The following COL8A1 variants were observed in gnomAD, a reference collection of about 807,000 sequenced individuals.
COL8A1 encodes collagen type VIII alpha 1 chain, also known as collagen alpha-1(VIII) chain.
A neutral mutation model predicts 42.7 loss-of-function variants in COL8A1; 21 were observed. The ratio of observed to expected loss-of-function variants is 0.49; its 90% CI spans 0.35 to 0.71. COL8A1 has a LOEUF of 0.71. COL8A1 is among the 30% of genes least tolerant of loss of function. The pLI is 0.01. For missense variants in COL8A1, 788 were observed against 962.4 expected, an observed-to-expected ratio of 0.82 and a Z score of 2.40; for synonymous variants, 367 against 369.1, an observed-to-expected ratio of 0.99 and a Z score of 0.06.
At position 99,795,729 on chromosome 3, in the gene COL8A1, G is replaced by C. The variant is rs1391005147; in HGVS notation, c.1828G>C (p.Gly610Arg). Reference sequence around the variant, plus strand: ...CGGGGCTAAGAAAGGCAAGAATGGAGGGCCAGCCTATGAGATGCCTGCATT... The same window carrying C: ...CGGGGCTAAGAAAGGCAAGAATGGACGGCCAGCCTATGAGATGCCTGCATT... ...AYGAKKGKNGGPAYEMPAFTA... is the reference protein window; with the variant it reads ...AYGAKKGKNGRPAYEMPAFTA... Residue 610 changes from glycine to arginine, a missense_variant, in exon 4 of 4, where the codon GGG becomes CGG. This residue lies in a region of COL8A1 where 212 missense variants were observed against 210.9 expected (regional missense o/e 1.00). Coordinates refer to ENST00000652472, the MANE Select transcript of COL8A1 (RefSeq NM_020351.4). 6.2e-7 allele frequency: 1 copy of C among 1,614,136 alleles called. No homozygotes were observed. The highest frequency in any genetic ancestry group is 8.5e-7 in the Non-Finnish European group (1 of 1,180,016).
chr3:99,681,871 A>C (rs1938892754), intron 1 of COL8A1, among the ~76,000 whole-genome samples: 1 of 152,184 alleles, frequency 6.6e-6, no homozygotes, highest in African/African-American at 2.4e-5. Flanking sequence ...TGTTACCACT[A>C]TTCTCATTTT....
At chr3:99,773,837 A>ATATAT (rs1200212756) in intron 2 of COL8A1, among the ~76,000 whole-genome samples, 1 of 45,396 alleles carries the variant, frequency 2.2e-5, no homozygotes, top group African/African-American at 1.3e-4. Context: ...ATATATATAT[A>ATATAT]TTTTTTTTTT....
rs62636637 is a variant in COL8A1, at chr3:99,794,476, T to A, written c.575T>A (p.Ile192Asn). 8.1e-6 allele frequency: 13 copies of A among 1,613,826 alleles called. No homozygotes were observed. The highest frequency in any genetic ancestry group is 1.3e-5 in the African/African-American group (1 of 74,856). The change falls in exon 4 of 4, where the codon ATC (isoleucine) becomes AAC (asparagine). Residue 192 changes from isoleucine to asparagine, a missense_variant. Coordinates refer to ENST00000652472, the MANE Select transcript of COL8A1 (RefSeq NM_020351.4). This position sits in a 1 kb window ranked among gnomAD's most constrained non-coding sequence, Gnocchi z 4.3. ...AAAGGGGAAATTGGGCCTATGGGGA[T>A]CCCAGGACCACAAGGACCTCCAGGG... ...GQKGEIGPMG[I>N]PGPQGPPGPH... is the part of the protein sequence containing the mutation.
At chr3:99,690,915 AC>A (rs1180830404) in intron 1 of COL8A1, among the ~76,000 whole-genome samples, 4 of 152,232 alleles carry the variant, frequency 2.6e-5, no homozygotes, top group Non-Finnish European at 4.4e-5. Flanking sequence ...AGTTAATGCA[AC>A]AAATCTAATT....
At chr3:99,737,951 C>G (rs556752997) in intron 1 of COL8A1, among the ~76,000 whole-genome samples, 1 of 151,636 alleles carries the variant, frequency 6.6e-6, no homozygotes, top group African/African-American at 2.4e-5. Context: ...CTCTAAACTT[C>G]CCTTCTCGCT....
At chr3:99,702,354 C>A (rs1196625203) in intron 1 of COL8A1, among the ~76,000 whole-genome samples, 2 of 152,154 alleles carry the variant, frequency 1.3e-5, no homozygotes, top group Non-Finnish European at 2.9e-5. Flanking sequence ...TAACTTGCAT[C>A]ACACTTTTGC....
At chr3:99,753,965 T>A (rs990006373) in intron 2 of COL8A1, among the ~76,000 whole-genome samples, 14 of 152,306 alleles carry the variant, frequency 9.2e-5, no homozygotes, top group African/African-American at 3.4e-4. Flanking sequence ...ACTGGGAAGA[T>A]AACTACACTA....
chr3:99,795,991 T>G lies in COL8A1; in HGVS notation c.2090T>G (p.Leu697Arg), dbSNP rs757707029. 6 of 1,613,880 alleles carry G rather than the reference T, an allele frequency of 3.7e-6. No individual in the cohort carries two copies. The South Asian group carries it at 5.5e-5, about 15-fold the overall frequency. The change falls in exon 4 of 4, where the codon CTG (leucine) becomes CGG (arginine). Residue 697 changes from leucine to arginine, a missense_variant. By Grantham distance (102) the Leu-to-Arg change is moderately radical (BLOSUM62 -2). Coordinates refer to ENST00000652472, the MANE Select transcript of COL8A1 (RefSeq NM_020351.4). ...YTYDEYKKGF[L>R]DQASGSAVLL... is the part of the protein sequence containing the mutation. The stretch of plus-strand genomic sequence containing the variant: ...TACGACGAGTACAAAAAGGGCTTCC[T>G]GGACCAGGCATCTGGGAGTGCAGTG...
chr3:99,747,640 T>C (rs1483594085), intron 2 of COL8A1, among the ~76,000 whole-genome samples: 2 of 152,214 alleles, frequency 1.3e-5, no homozygotes, highest in Non-Finnish European at 2.9e-5. Context: ...TTTTATATTA[T>C]ACGACAGCAA....
intron 2 of COL8A1, among the ~76,000 whole-genome samples, chr3:99,783,621 T>C (rs1361028588): frequency 6.6e-6 from 1 of 152,230 alleles, no homozygotes; most frequent in Non-Finnish European, 1.5e-5. Flanking sequence ...GGAGGTTTAA[T>C]TGACTCACAG....
intron 2 of COL8A1, among the ~76,000 whole-genome samples, chr3:99,764,689 T>C (rs932391333): frequency 2.4e-5 from 1 of 41,088 alleles, no homozygotes; most frequent in African/African-American, 1.1e-4. Context: ...TTTTCTTTTT[T>C]TTCTTTTTTT....
intron 1 of COL8A1, among the ~76,000 whole-genome samples, chr3:99,676,006 G>A (rs1938681991): frequency 6.6e-6 from 1 of 151,906 alleles, no homozygotes; most frequent in African/African-American, 2.4e-5. Flanking sequence ...ATTGCATACA[G>A]GAATAATATT....
intron 1 of COL8A1, among the ~76,000 whole-genome samples, chr3:99,726,357 A>G (rs1236844058): frequency 6.6e-6 from 1 of 151,440 alleles, no homozygotes; most frequent in Non-Finnish European, 1.5e-5. Flanking sequence ...CCCATTTTGT[A>G]GGCTACCTGT....
chr3:99,770,045 C>T (rs1330636520), intron 2 of COL8A1, among the ~76,000 whole-genome samples: 2 of 152,068 alleles, frequency 1.3e-5, no homozygotes, highest in African/African-American at 2.4e-5. Context: ...GAAATGAAGA[C>T]CCAAAGACCC....
chr3:99,700,423 A>G (rs1222162714), intron 1 of COL8A1, among the ~76,000 whole-genome samples: 1 of 152,080 alleles, frequency 6.6e-6, no homozygotes, highest in African/African-American at 2.4e-5. Context: ...TCACCCTCCC[A>G]CCGCATAGAG....
intron 1 of COL8A1, chr3:99,678,216 C>G (rs897187876): frequency 2.6e-5 from 4 of 151,998 alleles, no homozygotes; most frequent in Admixed American, 2.6e-4. Context: ...GCAAGTCTGC[C>G]TTTTCCCTGC....
chr3:99,648,342 T>G (rs1264071718), intron 1 of COL8A1, among the ~76,000 whole-genome samples: 1 of 152,078 alleles, frequency 6.6e-6, no homozygotes, highest in African/African-American at 2.4e-5. Context: ...AAAATAAACT[T>G]CCTATGACAA....
At chr3:99,759,598 T>A (rs762550458) in intron 2 of COL8A1, among the ~76,000 whole-genome samples, 1 of 152,164 alleles carries the variant, frequency 6.6e-6, no homozygotes, top group Non-Finnish European at 1.5e-5. Flanking sequence ...AAAAAACACA[T>A]GCCAAGATCA....
At chr3:99,775,171 A>C (rs1043915427) in intron 2 of COL8A1, among the ~76,000 whole-genome samples, 3 of 152,298 alleles carry the variant, frequency 2.0e-5, no homozygotes, top group Admixed American at 6.5e-5. Flanking sequence ...TGATGTGATC[A>C]GGGATAAAAT....
Sources: allele counts gnomAD v4.1 joint callset (sites outside exome capture counted in the v4.1 genomes callset), GRCh38; gene constraint gnomAD v4.1.1; regional missense constraint gnomAD v4.1.1; non-coding constraint Gnocchi (gnomAD v3.1); transcripts MANE v1.5; gene names NCBI Gene and HGNC (gene_info 2026-07-23, HGNC 2026-07-21).